SLC15A5: variants seen among roughly 807,000 people sequenced by gnomAD.
SLC15A5 encodes the protein solute carrier family 15 member 5, also known as Peptide/histidine transporter ENSP00000340402.
A neutral mutation model predicts 56.1 loss-of-function variants in SLC15A5; 58 were observed. The ratio of observed to expected loss-of-function variants is 1.03; its 90% CI spans 0.84 to 1.29. The LOEUF (loss-of-function observed/expected upper bound fraction) is 1.29. Ranked by LOEUF, SLC15A5 falls within the 50% of genes most tolerant of loss-of-function variation. The probability of loss-of-function intolerance (pLI) is 0.00; values close to 1 mark genes in which losing one functional copy is unlikely to be tolerated. For missense variants in SLC15A5, 681 were observed against 672.1 expected (o/e 1.01, Z -0.15); for synonymous variants, 264 against 250.5 (o/e 1.05, Z -0.51).
intron 5 of SLC15A5, among the ~76,000 whole-genome samples, chr12:16,234,950 T>G (rs541169917): frequency 6.6e-6 from 1 of 152,232 alleles, no homozygotes; most frequent in East Asian, 1.9e-4. Context: ...TTCTGATATG[T>G]AAGCTCACAG....
chr12:16,194,358 T>A lies in SLC15A5; in HGVS notation c.1579A>T (p.Ser527Cys). The A allele has an allele frequency of 1.3e-6, 2 of 1,532,424 alleles. No individual in the cohort carries two copies. The highest frequency in any genetic ancestry group is 1.7e-6 in the Non-Finnish European group (2 of 1,143,164). 94.9% of individuals were successfully genotyped at this position (1,532,424 alleles called of 1,614,324 possible). A position where few individuals can be genotyped will look rare whatever the true frequency, so the allele number is the denominator to read the frequency against. The change falls in exon 8 of 9, where the codon AGT (serine) becomes TGT (cysteine). Residue 527 changes from serine (S) to cysteine (C), a missense_variant. Coordinates refer to ENST00000344941, the MANE Select transcript of SLC15A5 (RefSeq NM_001170798.1). ...ACACTTACTTACCTTTGTGAAACAC[T>A]GCAGAATCCCAGGACGTTCAACAAT... is the stretch of plus-strand genomic sequence containing the variant. Reference protein sequence around the residue: ...LTLLNVLGFCSVSQRYCNLNH... With the variant: ...LTLLNVLGFCCVSQRYCNLNH...
intron 5 of SLC15A5, among the ~76,000 whole-genome samples, chr12:16,234,499 A>G (rs1401015486): frequency 1.3e-5 from 2 of 152,222 alleles, no homozygotes; most frequent in African/African-American, 4.8e-5. Flanking sequence ...CTCCATTTTT[A>G]ATTCTTAACT....
intron 4 of SLC15A5, among the ~76,000 whole-genome samples, chr12:16,242,582 A>T (rs1159299336): frequency 6.6e-6 from 1 of 152,236 alleles, no homozygotes; most frequent in African/African-American, 2.4e-5. Context: ...TTTAGAAGCT[A>T]TGGCACTTAA....
At chr12:16,234,584 T>C (rs537331452) in intron 5 of SLC15A5, among the ~76,000 whole-genome samples, 278 of 152,270 alleles carry the variant, frequency 1.8e-3, no homozygotes, top group African/African-American at 6.6e-3. Flanking sequence ...CTAGCAGATC[T>C]GTACTTACAA....
In SLC15A5 at chr12:16,274,197, G is replaced by A. The variant is rs576798452; in HGVS notation, c.362-1414C>T. Among the ~76,000 whole-genome samples the A allele has an allele frequency of 2.0e-5, 3 of 151,978 alleles. No individual in the cohort carries two copies. In the South Asian group the frequency reaches 6.2e-4, roughly 32 times the overall value. On this transcript the variant is annotated intron_variant, in intron 1 of 8. Transcript: ENST00000344941. ...TTTGTGCACATCTTTATTAGCCTAA[G>A]TTCTCAGTCAAAGGCATTCCTATTT...
intron 2 of SLC15A5, among the ~76,000 whole-genome samples, chr12:16,261,314 G>C (rs1255002322): frequency 6.6e-6 from 1 of 152,010 alleles, no homozygotes; most frequent in East Asian, 1.9e-4. Flanking sequence ...GCAATTCATA[G>C]ATTTAGAAAA....
At chr12:16,260,962 G>A (rs748623310) in intron 2 of SLC15A5, among the ~76,000 whole-genome samples, 1 of 151,780 alleles carries the variant, frequency 6.6e-6, no homozygotes, top group Non-Finnish European at 1.5e-5. Context: ...TACAAATGTA[G>A]GTGTATTTTC....
rs78482366 is a variant in SLC15A5 at position 16,247,518 on chromosome 12, A to G, written c.755-2718T>C. ...AGCAGGAAAATATTAGGCAAGTTCT[A>G]TGATGAAAACACAGTGGGCTGTTAT... On this transcript the variant is annotated intron_variant, in intron 3 of 8. Coordinates refer to ENST00000344941, the MANE Select transcript of SLC15A5 (RefSeq NM_001170798.1). 5.2e-3 allele frequency among the ~76,000 whole-genome samples: 786 copies of G among 152,294 alleles called. 4 individuals carry two copies. Among genetic ancestry groups the G allele is most frequent in the Middle Eastern group, 0.027 (8 of 294 alleles).
At chr12:16,209,779 C>T (rs565437377) in intron 7 of SLC15A5, among the ~76,000 whole-genome samples, 2 of 152,302 alleles carry the variant, frequency 1.3e-5, no homozygotes, top group South Asian at 2.1e-4. Flanking sequence ...CCATTCACTT[C>T]GCTCCATCTG....
chr12:16,260,232 C>T (rs572251425), intron 2 of SLC15A5, among the ~76,000 whole-genome samples: 2 of 152,258 alleles, frequency 1.3e-5, no homozygotes, highest in South Asian at 2.1e-4. Flanking sequence ...TGCCACACCT[C>T]GGCTCTTACC....
At chr12:16,204,136 A>C (rs1427610280) in intron 7 of SLC15A5, among the ~76,000 whole-genome samples, 2 of 152,122 alleles carry the variant, frequency 1.3e-5, no homozygotes, top group Non-Finnish European at 2.9e-5. Flanking sequence ...TTAACTTACA[A>C]GTTTTACTCA....
chr12:16,257,927 T>C, intron 2 of SLC15A5, 57 bp from the exon 3 acceptor site: 1 of 1,285,860 alleles, frequency 7.8e-7, no homozygotes, highest in Non-Finnish European at 9.9e-7. Flanking sequence ...TAGATAACTA[T>C]TGCTAATTTT....
chr12:16,239,710 C>G lies in SLC15A5; in HGVS notation c.1133G>C (p.Arg378Thr), dbSNP rs778563499. The change falls in exon 5 of 9, where the codon AGA (arginine) becomes ACA (threonine). Residue 378 changes from arginine (R) to threonine (T), a missense_variant. By Grantham distance (71) the Arg-to-Thr change is moderately conservative. Coordinates refer to ENST00000344941, the MANE Select transcript of SLC15A5 (RefSeq NM_001170798.1). ...YFSTCLFPSK[R>T]VGSFLSTCII... ...GCATGTTGACAGAAATGATCCAACT[C>G]TCTTAGAGGGAAACAGGCAGGTGCT... is the stretch of plus-strand genomic sequence containing the variant. 2.0e-6 allele frequency: 3 copies of G among 1,537,230 alleles called. No individual in the cohort carries two copies. The highest frequency in any genetic ancestry group is 2.6e-6 in the Non-Finnish European group (3 of 1,146,920).
rs978504359 is a variant in SLC15A5 at position 16,227,198 on chromosome 12, TAGTAA to T, written c.1163-2601_1163-2597del. 8.4e-4 allele frequency among the ~76,000 whole-genome samples: 128 copies of T among 152,292 alleles called. 1 individual carries two copies. Among genetic ancestry groups the T allele is most frequent in the Middle Eastern group, 6.8e-3 (2 of 294 alleles). ...ATTAAGGACTATAAAGGCTTATTCA[TAGTAA>T]AGTAGAGATTTTGCTTCCGTAAACG... On this transcript the variant is annotated intron_variant, in intron 5 of 8. Transcript: ENST00000344941.
chr12:16,251,297 A>C (rs1037853160), intron 3 of SLC15A5, among the ~76,000 whole-genome samples: 1 of 151,948 alleles, frequency 6.6e-6, no homozygotes, highest in Non-Finnish European at 1.5e-5. Flanking sequence ...GAGAAAGAAC[A>C]AACAACACAA....
chr12:16,213,891 C>T, intron 7 of SLC15A5, among the ~76,000 whole-genome samples: 1 of 152,214 alleles, frequency 6.6e-6, no homozygotes, highest in African/African-American at 2.4e-5. Flanking sequence ...TACCTTTGTA[C>T]TGTATCTAGA....
chr12:16,244,437 T>G (rs1465428744), intron 4 of SLC15A5, 143 bp downstream of exon 4: 1 of 737,640 alleles, frequency 1.4e-6, no homozygotes, highest in African/African-American at 1.7e-5. Flanking sequence ...TCAGAGCCTG[T>G]AATGATGAGA....
At chr12:16,204,665 C>G (rs1863996743) in intron 7 of SLC15A5, among the ~76,000 whole-genome samples, 1 of 151,896 alleles carries the variant, frequency 6.6e-6, no homozygotes, top group African/African-American at 2.4e-5. Flanking sequence ...CTGAAACTGT[C>G]CCAAGATCAC....
chr12:16,246,995 G>C (rs905598307), intron 3 of SLC15A5, among the ~76,000 whole-genome samples: 1 of 151,988 alleles, frequency 6.6e-6, no homozygotes, highest in African/African-American at 2.4e-5. Context: ...ATAAAATAAA[G>C]ACATACAAAA....
Sources: allele counts gnomAD v4.1 joint callset (sites outside exome capture counted in the v4.1 genomes callset), GRCh38; gene constraint gnomAD v4.1.1; transcripts MANE v1.5; gene names NCBI Gene and HGNC (gene_info 2026-07-23, HGNC 2026-07-21).